PIK3R3: variants seen among roughly 807,000 people sequenced by gnomAD.
PIK3R3 encodes phosphoinositide-3-kinase regulatory subunit 3, also known as phosphatidylinositol 3-kinase regulatory subunit gamma.
In PIK3R3, 64 loss-of-function variants were observed where a neutral mutation model predicts 62.9. The ratio of observed to expected loss-of-function variants is 1.02; its 90% confidence interval spans 0.83 to 1.25. The LOEUF (loss-of-function observed/expected upper bound fraction) is 1.25. Among genes scored for constraint, PIK3R3 ranks in the 50% most tolerant of loss-of-function variants. The probability of loss-of-function intolerance (pLI) is 0.00; values close to 1 mark genes in which losing one functional copy is unlikely to be tolerated. For missense variants in PIK3R3, 614 were observed against 561.6 expected, an observed-to-expected ratio of 1.09 and a Z score of -0.94; for synonymous variants, 165 against 189.0, an observed-to-expected ratio of 0.87 and a Z score of 1.04.
intron 1 of PIK3R3, among the ~76,000 whole-genome samples, chr1:46,102,828 A>C (rs75472343): frequency 1.4e-5 from 2 of 148,142 alleles, no homozygotes; most frequent in Non-Finnish European, 3.0e-5. Flanking sequence ...AAAAAAAAAA[A>C]AAACCTGAAA....
the PIK3R3 span, among the ~76,000 whole-genome samples, chr1:46,139,634 C>A: frequency 6.6e-6 from 1 of 152,158 alleles, no homozygotes; most frequent in Non-Finnish European, 1.5e-5. Context: ...AACGGACTAA[C>A]TCTCCCTAAG....
At chr1:46,144,226 C>T in the PIK3R3 span, among the ~76,000 whole-genome samples, 3 of 152,052 alleles carry the variant, frequency 2.0e-5, no homozygotes, top group East Asian at 1.9e-4. Flanking sequence ...CAAAGGAAGC[C>T]GGTCTTCAGA....
chr1:46,084,312 A>T (rs1429789626), intron 1 of PIK3R3, among the ~76,000 whole-genome samples: 1 of 152,196 alleles, frequency 6.6e-6, no homozygotes, highest in Non-Finnish European at 1.5e-5. Flanking sequence ...CAGGGTAATG[A>T]AAATATTCCA....
At chr1:46,098,202 A>G (rs760670509) in intron 1 of PIK3R3, among the ~76,000 whole-genome samples, 4 of 152,220 alleles carry the variant, frequency 2.6e-5, no homozygotes, top group Admixed American at 6.5e-5. Flanking sequence ...AATCGAAACC[A>G]CAGTGACATA....
intron 1 of PIK3R3, among the ~76,000 whole-genome samples, chr1:46,103,268 TAACAA>T (rs769386589): frequency 1.1e-4 from 16 of 152,144 alleles, no homozygotes; most frequent in Non-Finnish European, 1.5e-4. Flanking sequence ...TAGTATCACT[TAACAA>T]TACACTTGAA....
the PIK3R3 span, among the ~76,000 whole-genome samples, chr1:46,161,647 AT>A: frequency 6.6e-6 from 1 of 152,126 alleles, no homozygotes; most frequent in Non-Finnish European, 1.5e-5. Context: ...AGCCAGGAAT[AT>A]CACTGGAGCC....
upstream of PIK3R3, among the ~76,000 whole-genome samples, chr1:46,133,907 C>G (rs911625367): frequency 2.6e-5 from 4 of 152,186 alleles, no homozygotes; most frequent in Non-Finnish European, 4.4e-5. Flanking sequence ...TATTCTGTTT[C>G]CCTGACAGAC....
In PIK3R3 at chr1:46,113,666, C is replaced by G. The variant is rs565960129; in HGVS notation, c.106+18181G>C. On this transcript the variant is annotated intron_variant, in intron 1 of 9. Transcript: ENST00000262741. Reference sequence around the variant, plus strand: ...CTTTATGCATTTATTCAGGCTGTTACGTCTCCTACTCCACCAGTAAACCAA... The same window carrying G: ...CTTTATGCATTTATTCAGGCTGTTAGGTCTCCTACTCCACCAGTAAACCAA... Among the ~76,000 whole-genome samples, 6 of 152,292 alleles carry G rather than the reference C, an allele frequency of 3.9e-5. No homozygotes were observed. In the South Asian group the frequency reaches 1.2e-3, roughly 32 times the overall value.
intron 1 of PIK3R3, among the ~76,000 whole-genome samples, chr1:46,093,887 A>G (rs1037525456): frequency 2.6e-5 from 4 of 150,978 alleles, no homozygotes; most frequent in African/African-American, 9.7e-5. Context: ...TAGGCAACAT[A>G]TGGAGAAACT....
At position 46,046,020 on chromosome 1, in the gene PIK3R3, T is replaced by G. The variant is rs1304415661; in HGVS notation, c.1085A>C (p.Asp362Ala). Residue 362 changes from aspartate to alanine, a missense_variant, in exon 9 of 10, where the codon GAT becomes GCT. By Grantham distance (126) the Asp-to-Ala change is moderately radical. Transcript: ENST00000262741. ...GTCCTCTGCTTGTACTCGATTGATA[T>G]CCTCAACAAACCAGGTTTTCTCATC... ...HYDEKTWFVE[D>A]INRVQAEDLL... is the part of the protein sequence containing the mutation. 6.2e-7 allele frequency: 1 copy of G among 1,612,062 alleles called. No individual in the cohort carries two copies. The highest frequency in any genetic ancestry group is 8.5e-7 in the Non-Finnish European group (1 of 1,178,330).
Position 46,132,378 on chromosome 1 carries a change from G to A in PIK3R3, c.-426C>T, listed in dbSNP as rs930623346. 4 of 1,123,276 alleles carry A rather than the reference G, an allele frequency of 3.6e-6. No individual in the cohort carries two copies. Among genetic ancestry groups the A allele is most frequent in the African/African-American group, 3.3e-5 (2 of 59,748 alleles). 69.6% of individuals were successfully genotyped at this position (1,123,276 alleles called of 1,614,324 possible). A position where few individuals can be genotyped will look rare whatever the true frequency, so the allele number is the denominator to read the frequency against. On this transcript the variant is annotated 5_prime_UTR_variant, in exon 1 of 10. Transcript: ENST00000262741. Reference sequence around the variant, plus strand: ...AAAAGAACACGTTGGGAGAAACCCGGGCAAGTGACAAAGGAAGGCAAAAAA... The same window carrying A: ...AAAAGAACACGTTGGGAGAAACCCGAGCAAGTGACAAAGGAAGGCAAAAAA...
Position 46,074,613 on chromosome 1 carries a change from G to T in PIK3R3, c.314+2902C>A, listed in dbSNP as rs1649897671. The stretch of plus-strand genomic sequence containing the variant: ...TGGCTTAGCAGCTGCCTAGAGGAAG[G>T]CCATTATGGTTTCCTCAGGCAATGC... On this transcript the variant is annotated intron_variant, in intron 3 of 9. Coordinates refer to ENST00000262741, the MANE Select transcript of PIK3R3 (RefSeq NM_003629.4). Among the ~76,000 whole-genome samples the T allele has an allele frequency of 2.7e-5, 4 of 148,138 alleles. No homozygotes were observed. The South Asian group carries it at 8.5e-4, about 31-fold the overall frequency.
intron 5 of PIK3R3, among the ~76,000 whole-genome samples, chr1:46,064,494 T>C (rs940078586): frequency 1.3e-5 from 2 of 152,148 alleles, no homozygotes; most frequent in Non-Finnish European, 2.9e-5. Context: ...TGAGCTGAGA[T>C]GGTGCCACTT....
chr1:46,145,889 A>G, the PIK3R3 span, among the ~76,000 whole-genome samples: 350 of 152,318 alleles, frequency 2.3e-3, 1 homozygote, highest in African/African-American at 7.9e-3. Context: ...CCATTTGGGC[A>G]GAGAATTCCA....
intron 1 of PIK3R3, among the ~76,000 whole-genome samples, chr1:46,084,606 C>A (rs1306116912): frequency 1.3e-5 from 2 of 152,162 alleles, no homozygotes; most frequent in African/African-American, 4.8e-5. Context: ...AATTCTTCTA[C>A]TTACCCACTT....
At chr1:46,045,812 C>T in intron 9 of PIK3R3, 106 bp downstream of exon 9, 1 of 970,264 alleles carries the variant, frequency 1.0e-6, no homozygotes, top group South Asian at 1.4e-5. Flanking sequence ...GCCATGGGTC[C>T]TCGTTACTGT....
chr1:46,078,984 G>T (rs1481009516), intron 2 of PIK3R3, among the ~76,000 whole-genome samples: 9 of 152,108 alleles, frequency 5.9e-5, no homozygotes, highest in African/African-American at 2.2e-4. Context: ...AGAATGGGGG[G>T]TTATTGTTTA....
the PIK3R3 span, among the ~76,000 whole-genome samples, chr1:46,142,335 A>G: frequency 6.6e-6 from 1 of 152,236 alleles, no homozygotes; most frequent in Non-Finnish European, 1.5e-5. Context: ...AGATGAAAAT[A>G]TAGGCCAGAC....
chr1:46,125,226 A>G (rs932192122), intron 1 of PIK3R3, among the ~76,000 whole-genome samples: 2 of 152,236 alleles, frequency 1.3e-5, no homozygotes, highest in South Asian at 4.1e-4. Flanking sequence ...AGTTGGATAC[A>G]CTATACATTA....
Sources: gnomAD v4.1 joint callset for allele counts (sites outside exome capture counted in the v4.1 genomes callset) on GRCh38, gnomAD v4.1.1 for gene constraint, MANE v1.5 for transcripts, NCBI Gene and HGNC (gene_info 2026-07-23, HGNC 2026-07-21) for gene names.